Variants in E2F5 observed in about 807,000 individuals in gnomAD.
E2F5 encodes the protein transcription factor E2F5.
A neutral mutation model predicts 39.1 loss-of-function variants in E2F5; 23 were observed. The ratio of observed to expected loss-of-function variants is 0.59; its 90% CI spans 0.42 to 0.83. E2F5 has a LOEUF of 0.83. E2F5 is among the 40% of genes least tolerant of loss of function. The pLI, the probability that E2F5 is intolerant of heterozygous loss-of-function variation, is 0.00. For synonymous variants in E2F5, 145 were observed against 157.8 expected (o/e 0.92, Z 0.61); for missense variants, 365 against 406.7 (o/e 0.90, Z 0.88).
chr8:85,211,513 A>G (rs1442183000), intron 6 of E2F5, among the ~76,000 whole-genome samples: 1 of 152,132 alleles, frequency 6.6e-6, no homozygotes, highest in Non-Finnish European at 1.5e-5. Context: ...TTGATGTGTG[A>G]GATCTGGAGA....
chr8:85,210,479 A>C (rs1322144536), intron 6 of E2F5, among the ~76,000 whole-genome samples: 1 of 152,140 alleles, frequency 6.6e-6, no homozygotes, highest in Non-Finnish European at 1.5e-5. Context: ...GGGGTTCGAG[A>C]CCAGTCTTGC....
At chr8:85,202,303 G>A (rs372081716) in intron 2 of E2F5, 47 bp downstream of exon 2, 50 of 1,368,072 alleles carry the variant, frequency 3.7e-5, no homozygotes, top group South Asian at 3.3e-4. Context: ...TTTCTTCTCA[G>A]TGCTCTGTAA....
intron 1 of E2F5, among the ~76,000 whole-genome samples, chr8:85,180,509 TAC>T (rs1307633273): frequency 1.6e-5 from 1 of 61,326 alleles, no homozygotes; most frequent in Non-Finnish European, 2.9e-5. Flanking sequence ...AAAGAAACTA[TAC>T]ATATATATAT....
intron 1 of E2F5, among the ~76,000 whole-genome samples, chr8:85,190,001 A>G (rs1587486429): frequency 6.6e-6 from 1 of 152,118 alleles, no homozygotes; most frequent in Non-Finnish European, 1.5e-5. Flanking sequence ...GATGTCATCA[A>G]TATATATACA....
chr8:85,179,291 C>T (rs1812149952), intron 1 of E2F5, among the ~76,000 whole-genome samples: 3 of 152,204 alleles, frequency 2.0e-5, no homozygotes, highest in South Asian at 2.1e-4. Context: ...ACTCTGACGG[C>T]TGGACTTTGA....
chr8:85,212,135 A>G (rs766581402), intron 6 of E2F5, 22 bp from the exon 7 acceptor site: 1 of 1,591,774 alleles, frequency 6.3e-7, no homozygotes, highest in East Asian at 2.2e-5. Context: ...GAAATATAAC[A>G]AAACTTTATT....
At position 85,203,275 on chromosome 8, in the gene E2F5, A is replaced by G; in HGVS notation, c.506+20A>G. Reference sequence around the variant, plus strand: ...TAATAGATATCCTTTTAAATAAGTTATGCATATACATATAGCTTTGGAATA... The same window carrying G: ...TAATAGATATCCTTTTAAATAAGTTGTGCATATACATATAGCTTTGGAATA... On this transcript the variant is annotated intron_variant, in intron 3 of 7. Coordinates refer to ENST00000416274, the MANE Select transcript of E2F5 (RefSeq NM_001951.4). 1 of 1,554,192 alleles carries G rather than the reference A, an allele frequency of 6.4e-7. No homozygotes were observed.
intron 1 of E2F5, among the ~76,000 whole-genome samples, chr8:85,195,576 A>G (rs1047022329): frequency 6.6e-6 from 1 of 151,994 alleles, no homozygotes; most frequent in Non-Finnish European, 1.5e-5. Context: ...TGCAACCTCA[A>G]CCTCCTGGGT....
chr8:85,203,623 T>C (rs921469644), intron 3 of E2F5, among the ~76,000 whole-genome samples: 3 of 151,598 alleles, frequency 2.0e-5, no homozygotes, highest in African/African-American at 7.3e-5. Flanking sequence ...TGTTCTGAAG[T>C]ATAAAATTCA....
At chr8:85,194,572 T>C (rs1173482340) in intron 1 of E2F5, among the ~76,000 whole-genome samples, 1 of 147,702 alleles carries the variant, frequency 6.8e-6, no homozygotes, top group Non-Finnish European at 1.5e-5. Flanking sequence ...TCTCACTCTG[T>C]CACCCAGGCT....
intron 1 of E2F5, among the ~76,000 whole-genome samples, chr8:85,185,676 AC>A (rs1230851710): frequency 6.6e-6 from 1 of 152,196 alleles, no homozygotes; most frequent in African/African-American, 2.4e-5. Flanking sequence ...ATAAAAAACA[AC>A]CCCATCAAAA....
At position 85,184,746 on chromosome 8, in the gene E2F5, T is replaced by C. The variant is rs1008292608; in HGVS notation, c.234+7092T>C. ...AACAGACAAAGAGCCAAATCATGAG[T>C]GGACTCCCATTCACAATTGCTACTA... On this transcript the variant is annotated intron_variant, in intron 1 of 7. Coordinates refer to ENST00000416274, the MANE Select transcript of E2F5 (RefSeq NM_001951.4). Among the ~76,000 whole-genome samples, 6 of 152,256 alleles carry C rather than the reference T, an allele frequency of 3.9e-5. 1 individual carries two copies. In the South Asian group the frequency reaches 6.2e-4, roughly 16 times the overall value.
intron 1 of E2F5, among the ~76,000 whole-genome samples, chr8:85,179,861 T>C (rs1375020359): frequency 1.6e-4 from 25 of 152,144 alleles, no homozygotes; most frequent in South Asian, 8.3e-4. Flanking sequence ...AGGGTTTCAC[T>C]GTGTTAGCTA....
In E2F5 at chr8:85,212,026, C is replaced by A. The variant is rs184518512; in HGVS notation, c.884-131C>A. Reference sequence around the variant, plus strand: ...CAGAGTAAGCGCTCATGAAAACAACCTGTCCACAAAGTACTAGTACTTTAA... The same window carrying A: ...CAGAGTAAGCGCTCATGAAAACAACATGTCCACAAAGTACTAGTACTTTAA... On this transcript the variant is annotated intron_variant, in intron 6 of 7. Transcript: ENST00000416274. 25 of 635,798 alleles carry A rather than the reference C, an allele frequency of 3.9e-5. No homozygotes were observed. In the East Asian group the frequency reaches 7.6e-4, roughly 19 times the overall value. 39.4% of individuals were successfully genotyped at this position (635,798 alleles called of 1,614,324 possible).
chr8:85,198,092 C>A (rs1168273065), intron 1 of E2F5, among the ~76,000 whole-genome samples: 1 of 152,222 alleles, frequency 6.6e-6, no homozygotes, highest in Non-Finnish European at 1.5e-5. Flanking sequence ...AAATGTCTAA[C>A]CTTTCTCCCT....
chr8:85,180,037 T>C (rs1440268332), intron 1 of E2F5, among the ~76,000 whole-genome samples: 1 of 151,702 alleles, frequency 6.6e-6, no homozygotes, highest in Non-Finnish European at 1.5e-5. Context: ...GCCTTTTTTT[T>C]TTGAGACTGA....
chr8:85,192,646 C>T (rs2129676432), intron 1 of E2F5, among the ~76,000 whole-genome samples: 1 of 152,214 alleles, frequency 6.6e-6, no homozygotes, highest in East Asian at 1.9e-4. Context: ...AATTAATGTT[C>T]CAGAAAACAT....
intron 6 of E2F5, among the ~76,000 whole-genome samples, chr8:85,210,387 G>A (rs1587501656): frequency 6.6e-6 from 1 of 152,048 alleles, no homozygotes; most frequent in Admixed American, 6.6e-5. Flanking sequence ...CAATAGAAAA[G>A]GTAGTGCTGG....
intron 1 of E2F5, among the ~76,000 whole-genome samples, chr8:85,193,263 C>A (rs4150899): frequency 0.018 from 2,720 of 152,136 alleles, 44 homozygotes; most frequent in East Asian, 0.063. Context: ...GCGGGCAGAT[C>A]ACTTGAGGTC....
Sources: gnomAD v4.1 joint callset for allele counts (sites outside exome capture counted in the v4.1 genomes callset) on GRCh38, gnomAD v4.1.1 for gene constraint, MANE v1.5 for transcripts, NCBI Gene and HGNC (gene_info 2026-07-23, HGNC 2026-07-21) for gene names.